Variants in GIMAP1 observed in about 807,000 individuals in gnomAD.
GIMAP1 encodes the protein GTPase IMAP family member 1.
For synonymous variants in GIMAP1, 230 were observed against 187.7 expected (o/e 1.23, Z -1.84); for missense variants, 423 against 411.9 (o/e 1.03, Z -0.23).
chr7:150,720,920 G>A lies in GIMAP1; in HGVS notation c.916G>A (p.Asp306Asn). 4 of 1,554,038 alleles carry A rather than the reference G, an allele frequency of 2.6e-6. No individual in the cohort carries two copies. Among genetic ancestry groups the A allele is most frequent in the Non-Finnish European group, 1.7e-6 (2 of 1,157,354 alleles). ...GGAGGCCGTTGCGGAGGTCGGGCCT[G>A]ACTGACAGCGCAGGTCCTAAAACTG... ...WSEAVAEVGP[D>N] is the part of the protein sequence containing the mutation. The change falls in exon 3 of 3, where the codon GAC becomes AAC. Residue 306 changes from aspartate to asparagine, a missense_variant. Physicochemically the swap from Asp to Asn is conservative, Grantham distance 23 (BLOSUM62 1). Transcript: ENST00000307194. The surrounding 1 kb of genome is among the most constrained non-coding windows in gnomAD (Gnocchi z 4.5).
At chr7:150,719,560 C>G (rs1585220860) in intron 2 of GIMAP1, 1 of 165,324 alleles carries the variant, frequency 6.0e-6, no homozygotes, top group East Asian at 1.8e-4. Flanking sequence ...GAAACAGGCC[C>G]CTATTATCGC....
chr7:150,719,045 A>G lies in GIMAP1; in HGVS notation c.-3A>G. 6.2e-7 allele frequency: 1 copy of G among 1,614,222 alleles called. No homozygotes were observed. Among genetic ancestry groups the G allele is most frequent in the Non-Finnish European group, 8.5e-7 (1 of 1,180,030 alleles). ...ATTGTGTTTGGGACTCTTCCAGGTA[A>G]GCATGGGAGGAAGGAAGATGGCGAC... On this transcript the variant is annotated 5_prime_UTR_variant, in exon 2 of 3. Coordinates refer to ENST00000307194, the MANE Select transcript of GIMAP1 (RefSeq NM_130759.4).
rs746356038 is a variant in GIMAP1, at chr7:150,720,154, G to C, written c.150G>C (p.Gln50His). ...CCACTGGGAACAGCATCCTGGGCCAGAGACGGTTCTTCTCCAGGCTGGGGG... is the reference window on the plus strand; with the variant it reads ...CCACTGGGAACAGCATCCTGGGCCACAGACGGTTCTTCTCCAGGCTGGGGG... ...KSATGNSILG[Q>H]RRFFSRLGAT... The change falls in exon 3 of 3, where the codon CAG becomes CAC. Residue 50 changes from glutamine to histidine, a missense_variant. Transcript: ENST00000307194. The surrounding 1 kb of genome is among the most constrained non-coding windows in gnomAD (Gnocchi z 4.5). 1.9e-6 allele frequency: 3 copies of C among 1,614,158 alleles called. No homozygotes were observed. Among genetic ancestry groups the C allele is most frequent in the South Asian group, 1.1e-5 (1 of 91,086 alleles).
chr7:150,720,934 G>A lies in GIMAP1; in HGVS notation c.*9G>A. The A allele has an allele frequency of 1.3e-6, 2 of 1,510,304 alleles. No homozygotes were observed. Among genetic ancestry groups the A allele is most frequent in the Non-Finnish European group, 1.8e-6 (2 of 1,137,580 alleles). The allele number at this position is 1,510,304 out of a possible 1,614,324, so 93.6% of individuals were successfully genotyped here. ...AGGTCGGGCCTGACTGACAGCGCAG[G>A]TCCTAAAACTGAAGGCAACTTGGTT... is the stretch of plus-strand genomic sequence containing the variant. On this transcript the variant is annotated 3_prime_UTR_variant, in exon 3 of 3. Coordinates refer to ENST00000307194, the MANE Select transcript of GIMAP1 (RefSeq NM_130759.4). The surrounding 1 kb of genome is among the most constrained non-coding windows in gnomAD (Gnocchi z 4.5).
Position 150,720,379 on chromosome 7 carries a change from C to T in GIMAP1, c.375C>T (p.Thr125=), listed in dbSNP as rs750429019. The change falls in exon 3 of 3, where the codon ACC becomes ACT. Residue 125 remains threonine, a synonymous_variant. Coordinates refer to ENST00000307194, the MANE Select transcript of GIMAP1 (RefSeq NM_130759.4). The surrounding 1 kb of genome is among the most constrained non-coding windows in gnomAD (Gnocchi z 4.5). ...TGGTGACCCAGTTGGGTCGGTTCAC[C>T]GCCCAGGACCAGCAGGCGGTGAGGC... ...LLLVTQLGRF[T]AQDQQAVRQV... 1.6e-5 allele frequency: 26 copies of T among 1,599,870 alleles called. No individual in the cohort carries two copies. The highest frequency in any genetic ancestry group is 4.5e-5 in the East Asian group (2 of 44,638).
Position 150,719,084 on chromosome 7 carries a change from G to A in GIMAP1, c.37G>A (p.Val13Ile), listed in dbSNP as rs1344658152. ...GRKMATDEENVYGLEENAQSR... is the reference protein window; with the variant it reads ...GRKMATDEENIYGLEENAQSR... ...GAAGATGGCGACAGATGAAGAAAAT[G>A]TCTATGGTAAGACCATATCTCTACA... Residue 13 changes from valine (V) to isoleucine (I), a missense_variant, in exon 2 of 3, where the codon GTC becomes ATC. Transcript: ENST00000307194. 3.1e-6 allele frequency: 5 copies of A among 1,614,182 alleles called. No homozygotes were observed. The highest frequency in any genetic ancestry group is 4.2e-6 in the Non-Finnish European group (5 of 1,180,040).
intron 1 of GIMAP1, among the ~76,000 whole-genome samples, chr7:150,718,224 C>T (rs1472430867): frequency 1.3e-5 from 2 of 152,116 alleles, no homozygotes; most frequent in Non-Finnish European, 2.9e-5. Context: ...ATTAGGCAAA[C>T]TGGATCACAG....
rs541941755 is a variant in GIMAP1, at chr7:150,717,526, T to G, written c.-7+836T>G. ...ACATTCCTCAATGATTAAGGGCCAT[T>G]TGTCACCTCAGAGTTCAGCTGGGTC... On this transcript the variant is annotated intron_variant, in intron 1 of 2. Coordinates refer to ENST00000307194, the MANE Select transcript of GIMAP1 (RefSeq NM_130759.4). Among the ~76,000 whole-genome samples the G allele has an allele frequency of 3.5e-3, 531 of 152,258 alleles. 2 individuals carry two copies. The highest frequency in any genetic ancestry group is 0.012 in the African/African-American group (512 of 41,554).
rs547153255 is a variant in GIMAP1 at position 150,722,788 on chromosome 7, G to A, written c.*1863G>A. On this transcript the variant is annotated 3_prime_UTR_variant, in exon 3 of 3. Transcript: ENST00000307194. ...CTTTCAACTATATGCAAATTTAGGGGTGGATTATGCCAAAATTTCTAGAAA... is the reference window on the plus strand; with the variant it reads ...CTTTCAACTATATGCAAATTTAGGGATGGATTATGCCAAAATTTCTAGAAA... 1 of 152,366 alleles carries A rather than the reference G, an allele frequency of 6.6e-6. No individual in the cohort carries two copies. Among genetic ancestry groups the A allele is most frequent in the Admixed American group, 6.5e-5 (1 of 15,306 alleles). 9.4% of individuals were successfully genotyped at this position (152,366 alleles called of 1,614,324 possible). A position where few individuals can be genotyped will look rare whatever the true frequency, so the allele number is the denominator to read the frequency against.
chr7:150,722,365 T>A lies in GIMAP1; in HGVS notation c.*1440T>A, dbSNP rs1797319233. On this transcript the variant is annotated 3_prime_UTR_variant, in exon 3 of 3. Coordinates refer to ENST00000307194, the MANE Select transcript of GIMAP1 (RefSeq NM_130759.4). ...AGCTCAGGCTAAGGACTGCAGGAGG[T>A]TCCAGGTGGGTTGCGGGCTTCGGGC... 6.5e-6 allele frequency: 1 copy of A among 152,868 alleles called. No individual in the cohort carries two copies. The highest frequency in any genetic ancestry group is 2.1e-4 in the South Asian group (1 of 4,820). The allele number at this position is 152,868 out of a possible 1,614,324, so 9.5% of individuals were successfully genotyped here. A position where few individuals can be genotyped will look rare whatever the true frequency, so the allele number is the denominator to read the frequency against.
Position 150,722,320 on chromosome 7 carries a change from C to G in GIMAP1, c.*1395C>G, listed in dbSNP as rs1797318582. ...GCACACGTTGGGAAGAAGGGGTCTG[C>G]AAGCATGCGCACAATTGCCAGCTCA... On this transcript the variant is annotated 3_prime_UTR_variant, in exon 3 of 3. Coordinates refer to ENST00000307194, the MANE Select transcript of GIMAP1 (RefSeq NM_130759.4). 6.6e-6 allele frequency: 1 copy of G among 152,574 alleles called. No individual in the cohort carries two copies. Among genetic ancestry groups the G allele is most frequent in the Non-Finnish European group, 1.5e-5 (1 of 68,276 alleles). The allele number at this position is 152,574 out of a possible 1,614,324, so 9.5% of individuals were successfully genotyped here.
Position 150,720,684 on chromosome 7 carries a change from T to G in GIMAP1, c.680T>G (p.Leu227Arg). ...CATTACTCCAACGAGGTGTATGAGC[T>G]GGCGCAGGTGCTGCGCTGGGCAGGC... ...GAHYSNEVYE[L>R]AQVLRWAGPE... The change falls in exon 3 of 3, where the codon CTG (leucine) becomes CGG (arginine). Residue 227 changes from leucine (L) to arginine (R), a missense_variant. Physicochemically the swap from Leu to Arg is moderately radical, Grantham distance 102 (BLOSUM62 -2). Coordinates refer to ENST00000307194, the MANE Select transcript of GIMAP1 (RefSeq NM_130759.4). The surrounding 1 kb of genome is among the most constrained non-coding windows in gnomAD (Gnocchi z 4.5). 6.3e-7 allele frequency: 1 copy of G among 1,595,206 alleles called. No homozygotes were observed. The highest frequency in any genetic ancestry group is 8.5e-7 in the Non-Finnish European group (1 of 1,170,770).
rs1797316696 is a variant in GIMAP1, at chr7:150,722,257, A to T, written c.*1332A>T. ...ATTAGCTCTATTCAAGAGGAAGAGG[A>T]GGAGGGAGTGTGCGCAGGCGCCCTA... On this transcript the variant is annotated 3_prime_UTR_variant, in exon 3 of 3. Coordinates refer to ENST00000307194, the MANE Select transcript of GIMAP1 (RefSeq NM_130759.4). The T allele has an allele frequency of 6.6e-6, 1 of 152,308 alleles. No homozygotes were observed. Among genetic ancestry groups the T allele is most frequent in the African/African-American group, 2.4e-5 (1 of 41,446 alleles). 9.4% of individuals were successfully genotyped at this position (152,308 alleles called of 1,614,324 possible). A position where few individuals can be genotyped will look rare whatever the true frequency, so the allele number is the denominator to read the frequency against.
chr7:150,717,257 C>T (rs537979102), intron 1 of GIMAP1, among the ~76,000 whole-genome samples: 4 of 152,266 alleles, frequency 2.6e-5, no homozygotes, highest in Non-Finnish European at 5.9e-5. Context: ...GCTCCAGCCA[C>T]GGGGACACCT....
chr7:150,719,228 C>T, intron 2 of GIMAP1, 138 bp downstream of exon 2: 5 of 1,038,010 alleles, frequency 4.8e-6, no homozygotes, highest in Non-Finnish European at 7.1e-6. Context: ...AGCACCAGCC[C>T]TGAGATCTGC....
In GIMAP1 at chr7:150,723,768, A is replaced by G. The variant is rs1443297378; in HGVS notation, c.*2843A>G. The stretch of plus-strand genomic sequence containing the variant: ...AGACACAGTAAAAATACTGTCCAAT[A>G]CCTCAAAAATTGTGTAAATATATAT... On this transcript the variant is annotated 3_prime_UTR_variant, in exon 3 of 3. Transcript: ENST00000307194. 3 of 152,170 alleles carry G rather than the reference A, an allele frequency of 2.0e-5. No individual in the cohort carries two copies. The allele number at this position is 152,170 out of a possible 1,614,324, so 9.4% of individuals were successfully genotyped here. A position where few individuals can be genotyped will look rare whatever the true frequency, so the allele number is the denominator to read the frequency against.
At chr7:150,719,469 TAA>T (rs1266741257) in intron 2 of GIMAP1, 1 of 185,330 alleles carries the variant, frequency 5.4e-6, no homozygotes, top group Non-Finnish European at 1.1e-5. Flanking sequence ...AAGAGAGAGA[TAA>T]GAGAGGAAGG....
chr7:150,718,776 G>A (rs570891659), intron 1 of GIMAP1, among the ~76,000 whole-genome samples: 6 of 152,266 alleles, frequency 3.9e-5, no homozygotes, highest in Non-Finnish European at 7.4e-5. Flanking sequence ...CTCAAGTTCC[G>A]ATATAATCCT....
In GIMAP1 at chr7:150,720,328, G is replaced by T; in HGVS notation, c.324G>T (p.Ser108=). Reference sequence around the variant, plus strand: ...AGAGAGGTCACTGCTACCTGCTCTCGGCCCCCGGACCCCACGCGCTGCTCC... The same window carrying T: ...AGAGAGGTCACTGCTACCTGCTCTCTGCCCCCGGACCCCACGCGCTGCTCC... ...CEERGHCYLL[S]APGPHALLLV... is the part of the protein sequence containing the mutation. Residue 108 remains serine (S), a synonymous_variant, in exon 3 of 3, where the codon TCG becomes TCT. Transcript: ENST00000307194. The surrounding 1 kb of genome is among the most constrained non-coding windows in gnomAD (Gnocchi z 4.5). The T allele has an allele frequency of 1.2e-6, 2 of 1,613,908 alleles. No homozygotes were observed. Among genetic ancestry groups the T allele is most frequent in the Non-Finnish European group, 1.7e-6 (2 of 1,179,908 alleles).
Sources: allele counts gnomAD v4.1 joint callset (sites outside exome capture counted in the v4.1 genomes callset), GRCh38; gene constraint gnomAD v4.1.1; non-coding constraint Gnocchi (gnomAD v3.1); transcripts MANE v1.5; gene names NCBI Gene and HGNC (gene_info 2026-07-23, HGNC 2026-07-21).